The following SOX6 variants were observed in gnomAD, a reference collection of about 807,000 sequenced individuals.
The protein encoded by SOX6 is SRY-box transcription factor 6, also known as transcription factor SOX-6.
SOX6 carries 11 observed loss-of-function variants against 97.8 expected under a neutral mutation model. The ratio of observed to expected loss-of-function variants is 0.11; its 90% CI spans 0.07 to 0.19. The LOEUF (loss-of-function observed/expected upper bound fraction) is 0.19, where lower values mean the gene tolerates loss of function less well. Ranked by LOEUF, SOX6 falls within the 10% of genes least tolerant of loss-of-function variation. SOX6 has a pLI of 1.00. For missense variants in SOX6, 810 were observed against 1,039.5 expected, an observed-to-expected ratio of 0.78 and a Z score of 3.04; for synonymous variants, 360 against 371.4, an observed-to-expected ratio of 0.97 and a Z score of 0.35.
chr11:16,044,129 T>C (rs1855757484), intron 12 of SOX6, among the ~76,000 whole-genome samples: 1 of 152,118 alleles, frequency 6.6e-6, no homozygotes, highest in Non-Finnish European at 1.5e-5. Context: ...TCCCTTCCCT[T>C]AGCAATTCTA....
At chr11:16,582,450 C>A (rs1848040091) in intron 4 of SOX6, among the ~76,000 whole-genome samples, 1 of 152,052 alleles carries the variant, frequency 6.6e-6, no homozygotes, top group African/African-American at 2.4e-5. Context: ...TTTAATCACC[C>A]TTTGTATCTT....
At chr11:16,650,937 A>G (rs774072785) in intron 3 of SOX6, among the ~76,000 whole-genome samples, 1 of 152,094 alleles carries the variant, frequency 6.6e-6, no homozygotes, top group Admixed American at 6.6e-5. Flanking sequence ...AAATGAAACA[A>G]GAGATATTAC....
At chr11:16,341,409 G>A (rs1172944312) in intron 1 of SOX6, 157 bp from the exon 2 acceptor site, 4 of 1,030,328 alleles carry the variant, frequency 3.9e-6, no homozygotes, top group Admixed American at 5.8e-5. Flanking sequence ...CCTGGCTTAT[G>A]TGTCCTTCTT....
intron 4 of SOX6, among the ~76,000 whole-genome samples, chr11:16,595,430 A>C (rs1053028054): frequency 6.6e-6 from 1 of 152,136 alleles, no homozygotes; most frequent in Non-Finnish European, 1.5e-5. Flanking sequence ...ATATGAAAGA[A>C]GGCCTGCTGG....
intron 4 of SOX6, among the ~76,000 whole-genome samples, chr11:16,482,394 T>C (rs1202278600): frequency 6.6e-6 from 1 of 152,196 alleles, no homozygotes; most frequent in African/African-American, 2.4e-5. Context: ...ACATATTTTA[T>C]TATGCAATAT....
intron 4 of SOX6, among the ~76,000 whole-genome samples, chr11:16,576,687 T>A (rs1847987592): frequency 6.6e-6 from 1 of 152,270 alleles, no homozygotes; most frequent in East Asian, 1.9e-4. Flanking sequence ...TATGAAGACT[T>A]GGAGTTTTTC....
At chr11:16,582,553 T>G (rs1320396484) in intron 4 of SOX6, among the ~76,000 whole-genome samples, 1 of 151,968 alleles carries the variant, frequency 6.6e-6, no homozygotes, top group Admixed American at 6.6e-5. Flanking sequence ...AATGTTAGCA[T>G]GCTCAACAAA....
intron 13 of SOX6, among the ~76,000 whole-genome samples, chr11:15,992,159 C>T (rs897518273): frequency 2.0e-5 from 3 of 152,154 alleles, no homozygotes; most frequent in Admixed American, 1.3e-4. Flanking sequence ...AGATCATGTG[C>T]ACATTGCTTT....
intron 6 of SOX6, among the ~76,000 whole-genome samples, chr11:16,138,243 T>C (rs1026092073): frequency 1.3e-5 from 2 of 152,200 alleles, no homozygotes; most frequent in African/African-American, 2.4e-5. Context: ...CATACTTAAC[T>C]AATCTATACA....
intron 6 of SOX6, among the ~76,000 whole-genome samples, chr11:16,141,740 G>C (rs1002641850): frequency 3.9e-5 from 6 of 152,124 alleles, no homozygotes; most frequent in Non-Finnish European, 5.9e-5. Flanking sequence ...CCACACCCAC[G>C]GAACCTCACT....
chr11:16,710,953 T>C (rs1300845337), intron 3 of SOX6, among the ~76,000 whole-genome samples: 1 of 152,228 alleles, frequency 6.6e-6, no homozygotes, highest in Non-Finnish European at 1.5e-5. Context: ...AATTTGTCCA[T>C]AAGTTGTTCA....
intron 4 of SOX6, among the ~76,000 whole-genome samples, chr11:16,518,145 C>T (rs11023973): frequency 0.23 from 35,495 of 152,130 alleles, 4,890 homozygotes; most frequent in Non-Finnish European, 0.3. Context: ...CTGTTAAAGG[C>T]TTTCATAAAT....
At chr11:16,701,162 C>T (rs1848090189) in intron 3 of SOX6, among the ~76,000 whole-genome samples, 1 of 152,094 alleles carries the variant, frequency 6.6e-6, no homozygotes, top group Non-Finnish European at 1.5e-5. Context: ...AGATTTCTTG[C>T]CATCCAAAGG....
At chr11:16,516,034 C>G (rs1353386891) in intron 4 of SOX6, among the ~76,000 whole-genome samples, 1 of 151,674 alleles carries the variant, frequency 6.6e-6, no homozygotes, top group Non-Finnish European at 1.5e-5. Flanking sequence ...AATGCGGGCT[C>G]TTTTTTGGTT....
At chr11:16,281,499 C>T (rs1312319294) in intron 3 of SOX6, among the ~76,000 whole-genome samples, 5 of 151,978 alleles carry the variant, frequency 3.3e-5, no homozygotes, top group African/African-American at 7.2e-5. Flanking sequence ...ATTTTTCCTA[C>T]TGTATTTGTC....
intron 9 of SOX6, among the ~76,000 whole-genome samples, chr11:16,074,016 A>G (rs1475597430): frequency 1.7e-4 from 26 of 152,140 alleles, no homozygotes. Context: ...ACAACCCAAT[A>G]TCACAACTCA....
intron 1 of SOX6, among the ~76,000 whole-genome samples, chr11:16,391,332 T>C (rs1045315585): frequency 1.1e-4 from 17 of 152,000 alleles, no homozygotes; most frequent in African/African-American, 3.6e-4. Flanking sequence ...GAACTTAAAG[T>C]ATGTTAATAA....
chr11:16,143,567 T>A (rs12577107), intron 6 of SOX6, among the ~76,000 whole-genome samples: 14,425 of 152,060 alleles, frequency 0.095, 1,391 homozygotes, highest in East Asian at 0.37. Context: ...AAATTGGATA[T>A]AGAGTCAAGA....
At chr11:16,173,055 T>G (rs957915308) in intron 6 of SOX6, among the ~76,000 whole-genome samples, 1 of 151,960 alleles carries the variant, frequency 6.6e-6, no homozygotes. Context: ...TCTATGGAAT[T>G]TACTGTGTTC....
Sources: allele counts gnomAD v4.1 joint callset (sites outside exome capture counted in the v4.1 genomes callset), GRCh38; gene constraint gnomAD v4.1.1; transcripts MANE v1.5; gene names NCBI Gene and HGNC (gene_info 2026-07-23, HGNC 2026-07-21).